The following C19orf18 variants were observed in gnomAD, a reference collection of about 807,000 sequenced individuals.
C19orf18 encodes the protein uncharacterized protein C19orf18.
Under a neutral mutation model 23.3 loss-of-function variants are expected in C19orf18, and 21 were observed. The ratio of observed to expected loss-of-function variants is 0.90; its 90% confidence interval spans 0.64 to 1.30. The LOEUF (loss-of-function observed/expected upper bound fraction) is 1.30. Among genes scored for constraint, C19orf18 ranks in the 50% most tolerant of loss-of-function variants. C19orf18 has a pLI of 0.00. For missense variants in C19orf18, 249 were observed against 259.6 expected (o/e 0.96, Z 0.28); for synonymous variants, 96 against 95.2 (o/e 1.01, Z -0.05).
At chr19:57,961,314 GAGAA>G (rs2072870469) in intron 5 of C19orf18, 73 bp downstream of exon 5, 3 of 1,396,000 alleles carry the variant, frequency 2.1e-6, no homozygotes, top group Non-Finnish European at 2.9e-6. Flanking sequence ...AGCCACCGCT[GAGAA>G]AGAAAGAAAA....
At chr19:57,973,068 A>T (rs1185933630) in intron 2 of C19orf18, among the ~76,000 whole-genome samples, 2 of 137,588 alleles carry the variant, frequency 1.5e-5, no homozygotes, top group Non-Finnish European at 3.1e-5. Flanking sequence ...GAATTGCTTG[A>T]ACCCGGCGGT....
intron 3 of C19orf18, 86 bp from the exon 4 acceptor site, chr19:57,966,718 G>A: frequency 2.3e-6 from 2 of 864,950 alleles, no homozygotes; most frequent in South Asian, 1.6e-5. Flanking sequence ...TTACAGAGGG[G>A]AATGGAAGTC....
At chr19:57,961,677 A>G in intron 4 of C19orf18, 126 bp from the exon 5 acceptor site, 1 of 1,023,472 alleles carries the variant, frequency 9.8e-7, no homozygotes, top group South Asian at 1.6e-5. Context: ...AGACTTTGAA[A>G]CCAGACTAAT....
intron 5 of C19orf18, among the ~76,000 whole-genome samples, chr19:57,959,481 C>A (rs2072850637): frequency 6.6e-6 from 1 of 151,758 alleles, no homozygotes; most frequent in Non-Finnish European, 1.5e-5. Context: ...AAAAATAAGA[C>A]AGGCGTGGTG....
chr19:57,958,979 G>C (rs1211614111), intron 5 of C19orf18, among the ~76,000 whole-genome samples: 1 of 152,304 alleles, frequency 6.6e-6, no homozygotes, highest in South Asian at 2.1e-4. Context: ...ATGTGGTAAA[G>C]AGACATTGGG....
In C19orf18 at chr19:57,972,497, G is replaced by A. The variant is rs181615082; in HGVS notation, c.234C>T (p.Ser78=). The change falls in exon 3 of 6, where the codon TCC becomes TCT. Residue 78 remains serine, a synonymous_variant. Transcript: ENST00000314391. ...TCAGGAATTTCATGGGGTTCGTAGG[G>A]GATGCAGCTAAAAGGCCATCAAAGG... ...QGAASRSTAA[S]PTNPMKFLRN... is the part of the protein sequence containing the mutation. 3.7e-6 allele frequency: 6 copies of A among 1,614,096 alleles called. No homozygotes were observed. The East Asian group carries it at 1.3e-4, about 36-fold the overall frequency.
chr19:57,964,188 A>G (rs2072893047), intron 4 of C19orf18, among the ~76,000 whole-genome samples: 1 of 152,210 alleles, frequency 6.6e-6, no homozygotes, highest in Non-Finnish European at 1.5e-5. Flanking sequence ...TTCAACACTG[A>G]GTGTCCAGGA....
chr19:57,961,643 G>A (rs1479463315), intron 4 of C19orf18, 92 bp from the exon 5 acceptor site: 20 of 1,419,076 alleles, frequency 1.4e-5, no homozygotes, highest in South Asian at 3.7e-5. Context: ...GAAAGGAGTC[G>A]CTTGTGGAGT....
At chr19:57,968,614 G>T (rs1348545696) in intron 3 of C19orf18, among the ~76,000 whole-genome samples, 1 of 152,102 alleles carries the variant, frequency 6.6e-6, no homozygotes, top group Non-Finnish European at 1.5e-5. Context: ...TACAGAGCTA[G>T]AGAAATATAT....
At chr19:57,969,826 C>T (rs1341487149) in intron 3 of C19orf18, among the ~76,000 whole-genome samples, 3 of 146,486 alleles carry the variant, frequency 2.0e-5, no homozygotes, top group African/African-American at 7.7e-5. Context: ...GAGCTGAGAT[C>T]GCATCATTAC....
rs75834441 is a variant in C19orf18 at position 57,967,341 on chromosome 19, T to A, written c.269-709A>T. On this transcript the variant is annotated intron_variant, in intron 3 of 5. Transcript: ENST00000314391. ...GGGATCGAGAGATGGATTTTGTTTT[T>A]TAACATGTGAACACTGGCAGCATGT... 4.9e-3 allele frequency among the ~76,000 whole-genome samples: 751 copies of A among 152,338 alleles called. 15 individuals carry two copies. The highest frequency in any genetic ancestry group is 0.017 in the African/African-American group (719 of 41,576).
Position 57,971,449 on chromosome 19 carries a change from T to C in C19orf18, c.268+1014A>G, listed in dbSNP as rs189357408. Among the ~76,000 whole-genome samples the C allele has an allele frequency of 6.7e-4, 100 of 148,178 alleles. 1 individual carries two copies. Among genetic ancestry groups the C allele is most frequent in the Non-Finnish European group, 1.2e-3 (82 of 67,100 alleles). On this transcript the variant is annotated intron_variant, in intron 3 of 5. Transcript: ENST00000314391. The stretch of plus-strand genomic sequence containing the variant: ...TGATCCCAAGCCCGCCTTCCCTACC[T>C]GCCTTCCTGTAAAAACCAGAATAAA...
At chr19:57,960,950 C>A (rs571833407) in intron 5 of C19orf18, among the ~76,000 whole-genome samples, 42 of 152,186 alleles carry the variant, frequency 2.8e-4, no homozygotes, top group Non-Finnish European at 5.0e-4. Flanking sequence ...GAGGCCGAGG[C>A]GGGCGGATCA....
At position 57,961,498 on chromosome 19, in the gene C19orf18, A is replaced by C. The variant is rs776974396; in HGVS notation, c.425T>G (p.Leu142Arg). ...RQQLESLYKN[L>R]RIPLLGDEEE... ...TTCATCTCCTAATAACGGTATCCTG[A>C]GGTTCTTATAAAGTGACTCGAGCTG... Residue 142 changes from leucine to arginine, a missense_variant, in exon 5 of 6, where the codon CTC becomes CGC. Physicochemically the swap from Leu to Arg is moderately radical, Grantham distance 102. Transcript: ENST00000314391. 6.2e-7 allele frequency: 1 copy of C among 1,614,030 alleles called. No homozygotes were observed. The highest frequency in any genetic ancestry group is 8.5e-7 in the Non-Finnish European group (1 of 1,180,006).
chr19:57,969,071 G>C (rs1474377357), intron 3 of C19orf18, among the ~76,000 whole-genome samples: 2 of 152,132 alleles, frequency 1.3e-5, no homozygotes, highest in Non-Finnish European at 2.9e-5. Context: ...TAGAGGCGGG[G>C]ACCTTGCTCA....
Position 57,961,371 on chromosome 19 carries a change from G to C in C19orf18, c.532+20C>G. The C allele has an allele frequency of 6.3e-7, 1 of 1,581,364 alleles. No individual in the cohort carries two copies. The highest frequency in any genetic ancestry group is 8.6e-7 in the Non-Finnish European group (1 of 1,163,324). On this transcript the variant is annotated intron_variant, in intron 5 of 5. Coordinates refer to ENST00000314391, the MANE Select transcript of C19orf18 (RefSeq NM_152474.5). ...TGCCAGCTTGGCTTTCCTGCGAATA[G>C]CTCTTACAGGTCACACTACCTGAGT...
At chr19:57,961,278 GGAAA>G (rs10674205) in intron 5 of C19orf18, 109 bp downstream of exon 5, 59 of 1,118,262 alleles carry the variant, frequency 5.3e-5, no homozygotes, top group Non-Finnish European at 6.4e-5. Context: ...AAGAAAGAAA[GGAAA>G]GAAAGAAAGA....
At chr19:57,960,857 C>T (rs190791965) in intron 5 of C19orf18, among the ~76,000 whole-genome samples, 1 of 152,240 alleles carries the variant, frequency 6.6e-6, no homozygotes, top group African/African-American at 2.4e-5. Context: ...TTCAAACTCC[C>T]TTAACTCCCA....
At chr19:57,967,923 A>G (rs1188268435) in intron 3 of C19orf18, among the ~76,000 whole-genome samples, 1 of 152,164 alleles carries the variant, frequency 6.6e-6, no homozygotes, top group Non-Finnish European at 1.5e-5. Flanking sequence ...GAGGCAGGAG[A>G]ATCACTTGAA....
Sources: gnomAD v4.1 joint callset for allele counts (sites outside exome capture counted in the v4.1 genomes callset) on GRCh38, gnomAD v4.1.1 for gene constraint, MANE v1.5 for transcripts, NCBI Gene and HGNC (gene_info 2026-07-23, HGNC 2026-07-21) for gene names.